Variants in ENO3 observed in about 807,000 individuals in gnomAD.
ENO3 encodes the protein enolase 3, also known as beta-enolase.
A neutral mutation model predicts 47.7 loss-of-function variants in ENO3; 46 were observed. The ratio of observed to expected loss-of-function variants is 0.96; its 90% CI spans 0.76 to 1.23. ENO3 has a LOEUF of 1.23. ENO3 is among the 50% of genes most tolerant of loss of function. ENO3 has a pLI of 0.00. For synonymous variants in ENO3, 223 were observed against 225.9 expected, an observed-to-expected ratio of 0.99 and a Z score of 0.11; for missense variants, 575 against 566.2, an observed-to-expected ratio of 1.02 and a Z score of -0.16.
chr17:4,953,692 T>G lies in ENO3; in HGVS notation c.311-20T>G, dbSNP rs566676050. 8 of 1,614,104 alleles carry G rather than the reference T, an allele frequency of 5.0e-6. No homozygotes were observed. The East Asian group carries it at 1.6e-4, about 31-fold the overall frequency. ...CCCTGCAGAAGCTCTCATCCTTTCT[T>G]CCCGCTTGCCTCCTTCCAGCCAAGT... On this transcript the variant is annotated intron_variant, in intron 5 of 11. Transcript: ENST00000519602.
intron 1 of ENO3, 174 bp downstream of exon 1, chr17:4,951,356 G>A (rs374618385): frequency 1.1e-6 from 1 of 901,736 alleles, no homozygotes; most frequent in Non-Finnish European, 1.4e-6. Flanking sequence ...TGGGAACACC[G>A]AAGGATCTAG....
rs1270124088 is a variant in ENO3, at chr17:4,956,914, G to T, written c.1235+25G>T. 1.9e-6 allele frequency: 3 copies of T among 1,614,242 alleles called. No individual in the cohort carries two copies. In the East Asian group the frequency reaches 6.7e-5, roughly 36 times the overall value. ...GGTACAGCGGGAACAGTGGGCCTGGGCATTGGGGTGCTGGAGGCTGTTAGG... is the reference window on the plus strand; with the variant it reads ...GGTACAGCGGGAACAGTGGGCCTGGTCATTGGGGTGCTGGAGGCTGTTAGG... On this transcript the variant is annotated intron_variant, in intron 11 of 11. Coordinates refer to ENST00000519602, the MANE Select transcript of ENO3 (RefSeq NM_053013.4).
Position 4,953,795 on chromosome 17 carries a change from CGCCACA to C in ENO3, c.395_400del (p.Arg132_Ile134delinsLeu). The C allele has an allele frequency of 6.2e-7, 1 of 1,614,180 alleles. No homozygotes were observed. The highest frequency in any genetic ancestry group is 8.5e-7 in the Non-Finnish European group (1 of 1,180,032). ...AGCTGAGAAGGGGGTCCCCCTGTACCGCCACATCGCAGATCTCGCTGGGAACCCTGA... is the reference window on the plus strand; with the variant it reads ...AGCTGAGAAGGGGGTCCCCCTGTACCTCGCAGATCTCGCTGGGAACCCTGA... On this transcript the variant is annotated inframe_deletion, in exon 6 of 12. Coordinates refer to ENST00000519602, the MANE Select transcript of ENO3 (RefSeq NM_053013.4).
At chr17:4,956,721 T>C (rs447251) in intron 10 of ENO3, 40 bp downstream of exon 10, 104 of 1,613,944 alleles carry the variant, frequency 6.4e-5, no homozygotes, top group Non-Finnish European at 8.5e-5. Flanking sequence ...TCACCAAGTT[T>C]TCTTGGGGTC....
chr17:4,951,090 T>G, upstream of ENO3: 19 of 985,434 alleles, frequency 1.9e-5, no homozygotes, highest in Non-Finnish European at 2.2e-5. Flanking sequence ...GGCTCAGGGA[T>G]AAATGCGCAG....
intron 1 of ENO3, among the ~76,000 whole-genome samples, chr17:4,951,435 G>A (rs903591293): frequency 6.6e-5 from 10 of 152,142 alleles, no homozygotes; most frequent in Non-Finnish European, 1.5e-4. Context: ...AACCTGATAG[G>A]GAATTGGGGG....
rs1027101766 is a variant in ENO3, at chr17:4,956,870, A to G, written c.1216A>G (p.Lys406Glu). 3.1e-6 allele frequency: 5 copies of G among 1,614,058 alleles called. No individual in the cohort carries two copies. In the Admixed American group the frequency reaches 8.3e-5, roughly 27 times the overall value. The stretch of plus-strand genomic sequence containing the variant: ...CCCCTGCCGCTCGGAGCGTCTGGCC[A>G]AATACAACCAACTCATGAGGTACAG... ...GAPCRSERLA[K>E]YNQLMRIEEA... The change falls in exon 11 of 12, where the codon AAA (lysine) becomes GAA (glutamate). Residue 406 changes from lysine (K) to glutamate (E), a missense_variant. By Grantham distance (56) the Lys-to-Glu change is moderately conservative. Coordinates refer to ENST00000519602, the MANE Select transcript of ENO3 (RefSeq NM_053013.4).
chr17:4,953,213 G>T, intron 4 of ENO3, 59 bp from the exon 5 acceptor site: 1 of 1,612,922 alleles, frequency 6.2e-7, no homozygotes, highest in Non-Finnish European at 8.5e-7. Context: ...TCCCCTGCAT[G>T]TGCCCTGACT....
rs112203035 is a variant in ENO3 at position 4,955,298 on chromosome 17, G to C, written c.667+1G>C. The C allele has an allele frequency of 6.2e-7, 1 of 1,614,284 alleles. No homozygotes were observed. The highest frequency in any genetic ancestry group is 8.5e-7 in the Non-Finnish European group (1 of 1,180,054). ...CCCAACATCCTGGAGAACAATGAGG[G>C]TCAGTGCTGAGCACCCTGGGGGGCA... On this transcript the variant is annotated splice_donor_variant, in intron 7 of 11. Transcript: ENST00000519602. LOFTEE classifies it high-confidence loss of function.
chr17:4,949,933 C>T (rs1971491488), upstream of ENO3, among the ~76,000 whole-genome samples: 2 of 152,054 alleles, frequency 1.3e-5, no homozygotes, highest in African/African-American at 4.8e-5. Context: ...GACCCCTGGC[C>T]CACCGCACCC....
At position 4,952,834 on chromosome 17, in the gene ENO3, G is replaced by C. The variant is rs965347169; in HGVS notation, c.125G>C (p.Gly42Ala). 6.2e-7 allele frequency: 1 copy of C among 1,612,068 alleles called. No individual in the cohort carries two copies. Among genetic ancestry groups the C allele is most frequent in the Non-Finnish European group, 8.5e-7 (1 of 1,179,006 alleles). ...GCTGTGCCCAGTGGGGCTTCCACGGGTATCTATGAGGCTCTGGAACTAAGA... is the reference window on the plus strand; with the variant it reads ...GCTGTGCCCAGTGGGGCTTCCACGGCTATCTATGAGGCTCTGGAACTAAGA... Reference protein sequence around the residue: ...RAAVPSGASTGIYEALELRDG... With the variant: ...RAAVPSGASTAIYEALELRDG... Residue 42 changes from glycine to alanine, a missense_variant, in exon 3 of 12, where the codon GGT becomes GCT. Gly to Ala is a moderately conservative substitution (Grantham distance 60). Coordinates refer to ENST00000519602, the MANE Select transcript of ENO3 (RefSeq NM_053013.4).
chr17:4,954,572 C>T (rs539656192), intron 6 of ENO3, among the ~76,000 whole-genome samples: 42 of 152,212 alleles, frequency 2.8e-4, no homozygotes, highest in Non-Finnish European at 5.3e-4. Flanking sequence ...CTCTAATTTT[C>T]AGCAAAAGAT....
chr17:4,952,468 C>T lies in ENO3; in HGVS notation c.86-327C>T, dbSNP rs565409148. On this transcript the variant is annotated intron_variant, in intron 2 of 11. Coordinates refer to ENST00000519602, the MANE Select transcript of ENO3 (RefSeq NM_053013.4). ...ACGCCATTCTCCTGCCTCAGCCTCCCGAGTAGCTGGGACTACAGCTAATTT... is the reference window on the plus strand; with the variant it reads ...ACGCCATTCTCCTGCCTCAGCCTCCTGAGTAGCTGGGACTACAGCTAATTT... 1.9e-3 allele frequency: 671 copies of T among 362,082 alleles called. 1 individual carries two copies. The highest frequency in any genetic ancestry group is 3.1e-3 in the Non-Finnish European group (577 of 186,756). 22.4% of individuals were successfully genotyped at this position (362,082 alleles called of 1,614,324 possible).
At chr17:4,950,599 G>C, upstream of ENO3, 9 of 985,452 alleles carry the variant, frequency 9.1e-6, no homozygotes, top group Non-Finnish European at 1.1e-5. Flanking sequence ...ATGGGGCGGC[G>C]CCGAGAATGG....
At chr17:4,953,447 A>G (rs1971615337) in intron 5 of ENO3, 106 bp downstream of exon 5, 2 of 1,507,070 alleles carry the variant, frequency 1.3e-6, no homozygotes, top group Non-Finnish European at 1.8e-6. Flanking sequence ...ATTTTGGGTC[A>G]CACCGCAGCT....
chr17:4,956,161 C>T lies in ENO3; in HGVS notation c.1067+18C>T, dbSNP rs191862496. On this transcript the variant is annotated intron_variant, in intron 9 of 11. Transcript: ENST00000519602. ...ATCCAGGCGTGAGTGCCTCCTGACC[C>T]TGAGGCTCACCATAGCCTGCCTCTG... 1.3e-3 allele frequency: 2,074 copies of T among 1,612,978 alleles called. 48 individuals are homozygous for T. In the Admixed American group the frequency reaches 0.03, roughly 23 times the overall value.
Position 4,957,076 on chromosome 17 carries a change from A to G in ENO3, c.*29A>G, listed in dbSNP as rs1234270014. 3.7e-6 allele frequency: 6 copies of G among 1,613,546 alleles called. No homozygotes were observed. In the East Asian group the frequency reaches 1.3e-4, roughly 36 times the overall value. On this transcript the variant is annotated 3_prime_UTR_variant, in exon 12 of 12. Transcript: ENST00000519602. ...GCTGGAGGCTCCAGGACTCCACTGG[A>G]CAGACCCAGGTCTTCCAGACCTGCT...
chr17:4,951,101 C>G, upstream of ENO3: 5 of 986,298 alleles, frequency 5.1e-6, no homozygotes, highest in Non-Finnish European at 6.0e-6. Flanking sequence ...AAATGCGCAG[C>G]CTGAGAGGGG....
intron 5 of ENO3, 74 bp downstream of exon 5, chr17:4,953,415 A>T: frequency 6.3e-7 from 1 of 1,592,572 alleles, no homozygotes; most frequent in African/African-American, 1.3e-5. Context: ...GTGAGGCCTG[A>T]TGGGTTATTT....
Sources: gnomAD v4.1 joint callset for allele counts (sites outside exome capture counted in the v4.1 genomes callset) on GRCh38, gnomAD v4.1.1 for gene constraint, MANE v1.5 for transcripts, NCBI Gene and HGNC (gene_info 2026-07-23, HGNC 2026-07-21) for gene names.